PARN: variants seen among roughly 807,000 people sequenced by gnomAD.
PARN encodes the protein poly(A)-specific ribonuclease PARN.
Under a neutral mutation model 102.8 loss-of-function variants are expected in PARN, and 71 were observed. The ratio of observed to expected loss-of-function variants is 0.69; its 90% CI spans 0.57 to 0.84. The LOEUF (loss-of-function observed/expected upper bound fraction) is 0.84, where lower values mean the gene tolerates loss of function less well. Ranked by LOEUF, PARN falls within the 40% of genes least tolerant of loss-of-function variation. The pLI, the probability that PARN is intolerant of heterozygous loss-of-function variation, is 0.00. For synonymous variants in PARN, 261 were observed against 252.9 expected, an observed-to-expected ratio of 1.03 and a Z score of -0.30; for missense variants, 782 against 760.9, an observed-to-expected ratio of 1.03 and a Z score of -0.33.
intron 18 of PARN, among the ~76,000 whole-genome samples, chr16:14,571,418 C>T (rs16963793): frequency 0.042 from 6,439 of 151,940 alleles, 152 homozygotes; most frequent in African/African-American, 0.051. Context: ...AAGAACTAAC[C>T]ATATGATTCA....
At chr16:14,533,711 C>CG (rs1966485351) in intron 21 of PARN, among the ~76,000 whole-genome samples, 1 of 152,090 alleles carries the variant, frequency 6.6e-6, no homozygotes, top group Non-Finnish European at 1.5e-5. Flanking sequence ...ATCGCCTCCT[C>CG]GGAAGCCTTC....
intron 11 of PARN, among the ~76,000 whole-genome samples, chr16:14,601,289 A>C (rs1970850545): frequency 6.6e-6 from 1 of 152,206 alleles, no homozygotes; most frequent in African/African-American, 2.4e-5. Flanking sequence ...AAAGGAAGGA[A>C]ATTCTGACAC....
At position 14,603,385 on chromosome 16, in the gene PARN, T is replaced by C. The variant is rs550072966; in HGVS notation, c.783+761A>G. 5.2e-4 allele frequency among the ~76,000 whole-genome samples: 79 copies of C among 152,278 alleles called. 1 individual carries two copies. The South Asian group carries it at 0.015, about 29-fold the overall frequency. On this transcript the variant is annotated intron_variant, in intron 11 of 23. Transcript: ENST00000437198. ...CAATTAGGAGTGACCCTGCCTAATG[T>C]ACATATGAGCATGACATTCATCCAC... is the stretch of plus-strand genomic sequence containing the variant.
At chr16:14,590,184 G>A (rs1265386961) in intron 13 of PARN, among the ~76,000 whole-genome samples, 3 of 122,298 alleles carry the variant, frequency 2.5e-5, no homozygotes, top group East Asian at 5.4e-4. Context: ...ACAGGAGGCC[G>A]AGATCGCACC....
At position 14,482,626 on chromosome 16, in the gene PARN, G is replaced by A; in HGVS notation, c.1670+12C>T. 1.3e-6 allele frequency: 2 copies of A among 1,572,466 alleles called. No individual in the cohort carries two copies. The highest frequency in any genetic ancestry group is 1.7e-6 in the Non-Finnish European group (2 of 1,159,226). ...ACTCTGGCCTTTTAAATTAACAGCT[G>A]AGAGCTCTTACCTATTGTTGCGGTA... On this transcript the variant is annotated intron_variant, in intron 22 of 23. Coordinates refer to ENST00000437198, the MANE Select transcript of PARN (RefSeq NM_002582.4).
At chr16:14,580,262 G>A (rs992077817) in intron 18 of PARN, among the ~76,000 whole-genome samples, 9 of 150,970 alleles carry the variant, frequency 6.0e-5, no homozygotes, top group Non-Finnish European at 8.8e-5. Context: ...GAGCCACCGC[G>A]CCTGGCCAGG....
chr16:14,555,734 T>C (rs1967642731), intron 18 of PARN, 25 bp from the exon 19 acceptor site: 3 of 1,280,948 alleles, frequency 2.3e-6, no homozygotes, highest in South Asian at 3.0e-5. Context: ...GACAAACAAG[T>C]AATGGGCAAT....
chr16:14,610,141 C>A (rs576671582), intron 7 of PARN, among the ~76,000 whole-genome samples: 6 of 152,326 alleles, frequency 3.9e-5, no homozygotes, highest in African/African-American at 1.4e-4. Context: ...AAGTACAATA[C>A]ATGGAACTCT....
intron 18 of PARN, 79 bp from the exon 19 acceptor site, chr16:14,555,788 GA>G (rs961524244): frequency 6.4e-4 from 397 of 617,254 alleles, no homozygotes; most frequent in South Asian, 1.7e-3. Flanking sequence ...GGTTGAATTA[GA>G]AAAAAAAAAT....
chr16:14,598,977 C>T (rs1456912660), intron 12 of PARN, among the ~76,000 whole-genome samples: 2 of 151,932 alleles, frequency 1.3e-5, no homozygotes, highest in Non-Finnish European at 2.9e-5. Flanking sequence ...TCTAGAACAA[C>T]CAGCAGCATG....
In PARN at chr16:14,587,341, G is replaced by A. The variant is rs190971509; in HGVS notation, c.919-980C>T. On this transcript the variant is annotated intron_variant, in intron 13 of 23. Coordinates refer to ENST00000437198, the MANE Select transcript of PARN (RefSeq NM_002582.4). ...ACAAGGAGAATTACGGCCACCTCCA[G>A]GGCCAACATATAGCACAGTTCTAGA... 2.6e-5 allele frequency among the ~76,000 whole-genome samples: 4 copies of A among 152,318 alleles called. No individual in the cohort carries two copies. In the East Asian group the frequency reaches 7.7e-4, roughly 29 times the overall value.
chr16:14,590,524 C>T (rs1394272392), intron 13 of PARN, among the ~76,000 whole-genome samples: 1 of 151,074 alleles, frequency 6.6e-6, no homozygotes, highest in Non-Finnish European at 1.5e-5. Flanking sequence ...AATCCCAGCT[C>T]CTCAGCAGTC....
At chr16:14,604,549 C>A (rs1179046544) in intron 10 of PARN, among the ~76,000 whole-genome samples, 1 of 152,084 alleles carries the variant, frequency 6.6e-6, no homozygotes, top group African/African-American at 2.4e-5. Context: ...GTGTGAGCCA[C>A]GGTCCTGGCC....
intron 9 of PARN, 101 bp downstream of exon 9, chr16:14,608,180 A>T: frequency 1.2e-6 from 1 of 828,608 alleles, no homozygotes; most frequent in Non-Finnish European, 1.9e-6. Flanking sequence ...AATCACTGAG[A>T]ACCGCAGAAT....
intron 21 of PARN, among the ~76,000 whole-genome samples, chr16:14,535,412 A>G (rs1016966173): frequency 2.6e-5 from 4 of 152,248 alleles, no homozygotes; most frequent in African/African-American, 9.6e-5. Flanking sequence ...CTAAGAAAAG[A>G]CAAGTTGTAC....
chr16:14,608,911 G>A (rs1243768350), intron 8 of PARN, 147 bp downstream of exon 8: 5 of 617,832 alleles, frequency 8.1e-6, no homozygotes, highest in South Asian at 2.0e-5. Context: ...ACTGTGTAAC[G>A]CTAAAGTTAG....
At chr16:14,609,973 A>T (rs1236351998) in intron 7 of PARN, among the ~76,000 whole-genome samples, 1 of 152,202 alleles carries the variant, frequency 6.6e-6, no homozygotes, top group Non-Finnish European at 1.5e-5. Context: ...GCGCTCTGGG[A>T]GGCTGAGGCA....
At chr16:14,503,999 G>A (rs1461880266) in intron 21 of PARN, among the ~76,000 whole-genome samples, 2 of 152,178 alleles carry the variant, frequency 1.3e-5, no homozygotes, top group African/African-American at 2.4e-5. Flanking sequence ...CAGTCCTTGT[G>A]TGTGCCTTCT....
chr16:14,620,437 C>T (rs1044028818), intron 5 of PARN, among the ~76,000 whole-genome samples: 3 of 152,154 alleles, frequency 2.0e-5, no homozygotes, highest in Admixed American at 6.6e-5. Flanking sequence ...AACACAAGCA[C>T]GGCAAAATTA....
Sources: allele counts gnomAD v4.1 joint callset (sites outside exome capture counted in the v4.1 genomes callset), GRCh38; gene constraint gnomAD v4.1.1; transcripts MANE v1.5; gene names NCBI Gene and HGNC (gene_info 2026-07-23, HGNC 2026-07-21).